The following SF3B3 variants were observed in gnomAD, a reference collection of about 807,000 sequenced individuals.
The protein encoded by SF3B3 is splicing factor 3b subunit 3.
In SF3B3, 33 loss-of-function variants were observed where a neutral mutation model predicts 139.2. The ratio of observed to expected loss-of-function variants is 0.24; its 90% confidence interval spans 0.18 to 0.32. The LOEUF is 0.32. Ranked by LOEUF, SF3B3 falls within the 10% of genes least tolerant of loss-of-function variation. The pLI, the probability that SF3B3 is intolerant of heterozygous loss-of-function variation, is 1.00. For missense variants in SF3B3, 818 were observed against 1,509.4 expected (o/e 0.54, Z 7.59); for synonymous variants, 596 against 563.6 (o/e 1.06, Z -0.81).
At chr16:70,560,709 C>T in intron 16 of SF3B3, 118 bp downstream of exon 16, 1 of 1,186,780 alleles carries the variant, frequency 8.4e-7, no homozygotes, top group South Asian at 1.4e-5. Flanking sequence ...TGATTGGTTT[C>T]CTTCATGTGA....
chr16:70,538,494 T>C, intron 7 of SF3B3, 34 bp downstream of exon 7: 1 of 1,567,180 alleles, frequency 6.4e-7, no homozygotes, highest in Non-Finnish European at 8.7e-7. Flanking sequence ...GTATAGCTAC[T>C]CTATGAGATG....
chr16:70,554,973 G>A, intron 12 of SF3B3, 78 bp from the exon 13 acceptor site: 1 of 1,400,890 alleles, frequency 7.1e-7, no homozygotes. Flanking sequence ...TTTAGTGACA[G>A]ATCTGATAGA....
At position 70,538,373 on chromosome 16, in the gene SF3B3, C is replaced by G. The variant is rs1297011376; in HGVS notation, c.876C>G (p.Thr292=). ...ERGMIFVCSA[T]HKTKSMFFFL... is the part of the protein sequence containing the mutation. ...GAATGATTTTTGTCTGCTCTGCAAC[C>G]CATAAAACCAAATCGATGTTCTTCT... is the stretch of plus-strand genomic sequence containing the variant. The change falls in exon 7 of 26, where the codon ACC becomes ACG. Residue 292 remains threonine, a synonymous_variant. Transcript: ENST00000302516. 1.2e-6 allele frequency: 2 copies of G among 1,613,636 alleles called. No homozygotes were observed. The highest frequency in any genetic ancestry group is 1.7e-6 in the Non-Finnish European group (2 of 1,179,676).
At position 70,538,464 on chromosome 16, in the gene SF3B3, A is replaced by C; in HGVS notation, c.963+4A>C. On this transcript the variant is annotated splice_donor_region_variant and intron_variant, in intron 7 of 25. Coordinates refer to ENST00000302516, the MANE Select transcript of SF3B3 (RefSeq NM_012426.5). ...TTTGGAGACAGATGAAGATATGGTA[A>C]GTAGACCATGGATGGACCAGTATAG... is the stretch of plus-strand genomic sequence containing the variant. 1 of 1,611,792 alleles carries C rather than the reference A, an allele frequency of 6.2e-7. No individual in the cohort carries two copies. The highest frequency in any genetic ancestry group is 8.5e-7 in the Non-Finnish European group (1 of 1,177,986).
chr16:70,568,915 G>A, intron 22 of SF3B3, 128 bp from the exon 23 acceptor site: 1 of 619,898 alleles, frequency 1.6e-6, no homozygotes, highest in Non-Finnish European at 2.9e-6. Context: ...CAGGACACGT[G>A]GGCTCAGGCC....
Position 70,565,303 on chromosome 16 carries a change from G to A in SF3B3, c.2669+33G>A, listed in dbSNP as rs766387925. On this transcript the variant is annotated intron_variant, in intron 19 of 25. Coordinates refer to ENST00000302516, the MANE Select transcript of SF3B3 (RefSeq NM_012426.5). ...GCCCAGGACAGTCCAGGGTTTGGCA[G>A]GCTGGAACAGGAGCTCTCTGAGTTT... is the stretch of plus-strand genomic sequence containing the variant. The A allele has an allele frequency of 4.3e-6, 7 of 1,613,490 alleles. No individual in the cohort carries two copies. In the South Asian group the frequency reaches 5.5e-5, roughly 13 times the overall value.
At chr16:70,544,783 T>G (rs1453954906) in intron 10 of SF3B3, among the ~76,000 whole-genome samples, 1 of 151,118 alleles carries the variant, frequency 6.6e-6, no homozygotes, top group African/African-American at 2.4e-5. Flanking sequence ...CTTGACCTCT[T>G]GAGCTCAAGT....
chr16:70,564,474 T>C (rs750452567), intron 18 of SF3B3, among the ~76,000 whole-genome samples: 1 of 152,272 alleles, frequency 6.6e-6, no homozygotes, highest in Non-Finnish European at 1.5e-5. Context: ...TACTTCATTT[T>C]AGAGCCTTTC....
chr16:70,565,375 G>A lies in SF3B3; in HGVS notation c.2677G>A (p.Val893Met). ...EQNEAAFSVA[V>M]CRFSNTGEDW... ...TTCTTATTCTGTGTGTAGTGTGGCT[G>A]TGTGCAGGTTTTCCAACACTGGTGA... The change falls in exon 20 of 26, where the codon GTG becomes ATG. Residue 893 changes from valine to methionine, a missense_variant. Coordinates refer to ENST00000302516, the MANE Select transcript of SF3B3 (RefSeq NM_012426.5). 1 of 1,614,192 alleles carries A rather than the reference G, an allele frequency of 6.2e-7. No individual in the cohort carries two copies. Among genetic ancestry groups the A allele is most frequent in the Non-Finnish European group, 8.5e-7 (1 of 1,180,036 alleles).
Position 70,571,103 on chromosome 16 carries a change from C to T in SF3B3, c.3417C>T (p.Asp1139=), listed in dbSNP as rs1368292445. ...LVPFTSHEDH[D]FFQHVEMHLR... Reference sequence around the variant, plus strand: ...TTTGTTTCTTCTGCCAGGACCATGACTTCTTCCAGCATGTGGAAATGCACC... The same window carrying T: ...TTTGTTTCTTCTGCCAGGACCATGATTTCTTCCAGCATGTGGAAATGCACC... The change falls in exon 25 of 26, where the codon GAC becomes GAT. Residue 1139 remains aspartate, a synonymous_variant. Transcript: ENST00000302516. 2 of 1,613,744 alleles carry T rather than the reference C, an allele frequency of 1.2e-6. No individual in the cohort carries two copies. Among genetic ancestry groups the T allele is most frequent in the Non-Finnish European group, 1.7e-6 (2 of 1,179,698 alleles).
Position 70,554,459 on chromosome 16 carries a change from C to G in SF3B3, c.1416C>G (p.Ala472=), listed in dbSNP as rs777108055. 6.2e-7 allele frequency: 1 copy of G among 1,614,114 alleles called. No individual in the cohort carries two copies. The highest frequency in any genetic ancestry group is 1.1e-5 in the South Asian group (1 of 91,078). Residue 472 remains alanine (A), a synonymous_variant, in exon 12 of 26, where the codon GCC becomes GCG. Transcript: ENST00000302516. ...VRRHIEDEFD[A]YIIVSFVNAT... ...TTTCTTTTTCAGATGAGTTTGATGC[C>G]TACATCATTGTGTCTTTCGTGAATG... is the stretch of plus-strand genomic sequence containing the variant.
In SF3B3 at chr16:70,575,181, CTTTTTCTTTTTTTTCTTTTTT is replaced by C. The variant is rs2050566267; in HGVS notation, c.*3374_*3394del. The stretch of plus-strand genomic sequence containing the variant: ...AGTTGTTTCTCTTTTTTTTCTTTTT[CTTTTTCTTTTTTTTCTTTTTT>C]TTTTTTTTTTTTTTGAGATGAAGTC... On this transcript the variant is annotated 3_prime_UTR_variant, in exon 26 of 26. Coordinates refer to ENST00000302516, the MANE Select transcript of SF3B3 (RefSeq NM_012426.5). The C allele has an allele frequency of 1.5e-5, 2 of 137,738 alleles. No homozygotes were observed. The highest frequency in any genetic ancestry group is 5.4e-5 in the African/African-American group (2 of 37,066). The allele number at this position is 137,738 out of a possible 1,614,324, so 8.5% of individuals were successfully genotyped here.
chr16:70,524,627 C>T (rs1008519290), intron 1 of SF3B3: 5 of 152,204 alleles, frequency 3.3e-5, no homozygotes, highest in Non-Finnish European at 7.3e-5. Flanking sequence ...GATTCTCTTA[C>T]CTCAGCCTCC....
At position 70,550,790 on chromosome 16, in the gene SF3B3, C is replaced by T. The variant is rs558184050; in HGVS notation, c.1402+2348C>T. On this transcript the variant is annotated intron_variant, in intron 11 of 25. Transcript: ENST00000302516. Reference sequence around the variant, plus strand: ...TGGTGTCTTTCAGAGGGTAACTTTGCAGTTGGATGTCACTGGGCATAATAG... The same window carrying T: ...TGGTGTCTTTCAGAGGGTAACTTTGTAGTTGGATGTCACTGGGCATAATAG... The T allele has an allele frequency of 7.0e-5, 24 of 340,896 alleles. 1 individual carries two copies. The South Asian group carries it at 2.5e-3, about 35-fold the overall frequency. The allele number at this position is 340,896 out of a possible 1,614,324, so 21.1% of individuals were successfully genotyped here.
rs772028781 is a variant in SF3B3, at chr16:70,528,913, C to T, written c.111C>T (p.Ile37=). The change falls in exon 3 of 26, where the codon ATC becomes ATT. Residue 37 remains isoleucine (I), a synonymous_variant. Coordinates refer to ENST00000302516, the MANE Select transcript of SF3B3 (RefSeq NM_012426.5). ...AAATTGTTGTTTCCCGTGGGAAGAT[C>T]TTGGAGCTGCTTCGCCCAGACCCCA... The part of the protein sequence containing the change: ...QQEIVVSRGK[I]LELLRPDPNT... The T allele has an allele frequency of 1.2e-6, 2 of 1,613,566 alleles. No homozygotes were observed. Among genetic ancestry groups the T allele is most frequent in the Non-Finnish European group, 1.7e-6 (2 of 1,179,598 alleles).
Position 70,530,733 on chromosome 16 carries a change from C to G in SF3B3, c.398-12C>G. On this transcript the variant is annotated splice_polypyrimidine_tract_variant and intron_variant, in intron 3 of 25. Transcript: ENST00000302516. ...CTGGGAATCTTGTATGTTTTATCTC[C>G]TTCAACTACAGGTGCCATTGAGAAA... 1 of 1,605,434 alleles carries G rather than the reference C, an allele frequency of 6.2e-7. No individual in the cohort carries two copies. Among genetic ancestry groups the G allele is most frequent in the Non-Finnish European group, 8.5e-7 (1 of 1,175,992 alleles).
In SF3B3 at chr16:70,555,922, A is replaced by T. The variant is rs115237557; in HGVS notation, c.1711-257A>T. ...AGTTGGCTCAGAAAATTTGTGGCAC[A>T]TTGACCTTGTCAAAGGTCTGTTCAT... On this transcript the variant is annotated intron_variant, in intron 13 of 25. Coordinates refer to ENST00000302516, the MANE Select transcript of SF3B3 (RefSeq NM_012426.5). 5.5e-3 allele frequency among the ~76,000 whole-genome samples: 835 copies of T among 152,346 alleles called. 2 individuals are homozygous for T. Among genetic ancestry groups the T allele is most frequent in the African/African-American group, 0.019 (781 of 41,576 alleles).
intron 10 of SF3B3, among the ~76,000 whole-genome samples, chr16:70,546,239 G>A (rs11075768): frequency 0.42 from 64,577 of 152,122 alleles, 13,928 homozygotes; most frequent in South Asian, 0.66. Context: ...CCAAAGTGTT[G>A]TGATTACAAG....
chr16:70,537,320 G>GT (rs2050178117), intron 6 of SF3B3, among the ~76,000 whole-genome samples: 1 of 152,130 alleles, frequency 6.6e-6, no homozygotes, highest in African/African-American at 2.4e-5. Context: ...TGTCTTCATT[G>GT]TAACGGTATT....
Sources: allele counts gnomAD v4.1 joint callset (sites outside exome capture counted in the v4.1 genomes callset), GRCh38; gene constraint gnomAD v4.1.1; transcripts MANE v1.5; gene names NCBI Gene and HGNC (gene_info 2026-07-23, HGNC 2026-07-21).